Variants in ADAMTS2 observed in about 807,000 individuals in gnomAD.
ADAMTS2 encodes the protein A disintegrin and metalloproteinase with thrombospondin motifs 2.
Under a neutral mutation model 123.0 loss-of-function variants are expected in ADAMTS2, and 50 were observed. The ratio of observed to expected loss-of-function variants is 0.41; its 90% CI spans 0.32 to 0.51. The LOEUF (loss-of-function observed/expected upper bound fraction) is 0.51, where lower values mean the gene tolerates loss of function less well. Among genes scored for constraint, ADAMTS2 ranks in the 20% least tolerant of loss-of-function variants. The pLI is 0.35. For missense variants in ADAMTS2, 1,494 were observed against 1,705.2 expected (o/e 0.88, Z 2.18); for synonymous variants, 678 against 695.4 (o/e 0.98, Z 0.39).
At chr5:179,322,679 A>G (rs1349277575) in intron 2 of ADAMTS2, among the ~76,000 whole-genome samples, 1 of 152,222 alleles carries the variant, frequency 6.6e-6, no homozygotes, top group Non-Finnish European at 1.5e-5. Flanking sequence ...CTGGGAGGGC[A>G]CTAGACGAGG....
In ADAMTS2 at chr5:179,256,111, G is replaced by A. The variant is rs147849522; in HGVS notation, c.688+16800C>T. 5.6e-3 allele frequency among the ~76,000 whole-genome samples: 860 copies of A among 152,306 alleles called. 11 individuals are homozygous for A. The highest frequency in any genetic ancestry group is 0.02 in the African/African-American group (823 of 41,558). On this transcript the variant is annotated intron_variant, in intron 3 of 21. Transcript: ENST00000251582. The surrounding 1 kb of genome is among the most constrained non-coding windows in gnomAD (Gnocchi z 4.1). ...CTGACACGGTCCTTCTTCCCACAGG[G>A]AGACCGGGAGGGTCTTGTTCTGCCC...
At chr5:179,293,483 C>T (rs1031206093) in intron 2 of ADAMTS2, among the ~76,000 whole-genome samples, 3 of 152,248 alleles carry the variant, frequency 2.0e-5, no homozygotes, top group African/African-American at 7.2e-5. Flanking sequence ...CTGGAGTGTG[C>T]CAACGCCTCC....
chr5:179,121,831 CG>C, intron 20 of ADAMTS2, 81 bp from the exon 21 acceptor site: 1 of 1,002,612 alleles, frequency 1.0e-6, no homozygotes, highest in Admixed American at 2.5e-5. Context: ...CCGGGTCTCC[CG>C]GGGTCCTGGG....
At chr5:179,344,778 G>A (rs555217528) in intron 1 of ADAMTS2, among the ~76,000 whole-genome samples, 33 of 152,322 alleles carry the variant, frequency 2.2e-4, no homozygotes, top group African/African-American at 7.7e-4. Flanking sequence ...TTCCCTGCGG[G>A]GCGCCCCAAC....
chr5:179,279,900 G>A (rs1766842881), intron 2 of ADAMTS2, among the ~76,000 whole-genome samples: 1 of 152,208 alleles, frequency 6.6e-6, no homozygotes, highest in African/African-American at 2.4e-5. Context: ...CTGTCCATGG[G>A]GTTAGGAAAC....
In ADAMTS2 at chr5:179,116,981, G is replaced by A. The variant is rs776361503; in HGVS notation, c.3179-2657C>T. 4.6e-5 allele frequency among the ~76,000 whole-genome samples: 7 copies of A among 152,192 alleles called. No homozygotes were observed. In the East Asian group the frequency reaches 7.7e-4, roughly 17 times the overall value. On this transcript the variant is annotated intron_variant, in intron 21 of 21. Transcript: ENST00000251582. ...CAGGGGAGATGCCAGAAATCAAATC[G>A]GAAGATCCTGAGATGTGGCTGTCAG...
intron 10 of ADAMTS2, among the ~76,000 whole-genome samples, chr5:179,147,397 C>T (rs1015843142): frequency 6.6e-6 from 1 of 152,190 alleles, no homozygotes; most frequent in Non-Finnish European, 1.5e-5. Flanking sequence ...CCTAAGCCAG[C>T]TTTTGAACAA....
At chr5:179,254,429 G>A (rs1765997237) in intron 3 of ADAMTS2, among the ~76,000 whole-genome samples, 2 of 152,126 alleles carry the variant, frequency 1.3e-5, no homozygotes, top group Admixed American at 1.3e-4. Context: ...TTCCCACTGG[G>A]GTGATGAAAA....
chr5:179,228,731 G>A lies in ADAMTS2; in HGVS notation c.689-21016C>T, dbSNP rs374830921. On this transcript the variant is annotated intron_variant, in intron 3 of 21. Transcript: ENST00000251582. This position sits in a 1 kb window ranked among gnomAD's most constrained non-coding sequence, Gnocchi z 5.2. ...AAGCCAGCGGACATCCACTGCCTGCGGAGCATCTGGGGAAGGCTCCTGTGG... is the reference window on the plus strand; with the variant it reads ...AAGCCAGCGGACATCCACTGCCTGCAGAGCATCTGGGGAAGGCTCCTGTGG... Among the ~76,000 whole-genome samples the A allele has an allele frequency of 5.9e-5, 9 of 152,248 alleles. No homozygotes were observed. The highest frequency in any genetic ancestry group is 2.1e-4 in the South Asian group (1 of 4,832).
intron 3 of ADAMTS2, among the ~76,000 whole-genome samples, chr5:179,226,311 G>A (rs534833476): frequency 7.0e-6 from 1 of 143,090 alleles, no homozygotes; most frequent in African/African-American, 2.6e-5. Flanking sequence ...CTGTCACCCA[G>A]GCTGGAGTAC....
intron 3 of ADAMTS2, among the ~76,000 whole-genome samples, chr5:179,264,158 A>C (rs1766301320): frequency 6.6e-6 from 1 of 152,014 alleles, no homozygotes; most frequent in South Asian, 2.1e-4. Flanking sequence ...GCTGGTACCC[A>C]ACGCCTCTCA....
chr5:179,169,403 T>C (rs905328421), intron 5 of ADAMTS2, among the ~76,000 whole-genome samples: 1 of 152,228 alleles, frequency 6.6e-6, no homozygotes, highest in Non-Finnish European at 1.5e-5. Flanking sequence ...ATTTCTGTTA[T>C]TGCAGCCCAA....
At chr5:179,296,089 G>A (rs1032925975) in intron 2 of ADAMTS2, among the ~76,000 whole-genome samples, 20 of 152,192 alleles carry the variant, frequency 1.3e-4, no homozygotes, top group African/African-American at 4.1e-4. Context: ...GCGGTGCCTC[G>A]GACGATGCAG....
chr5:179,297,722 G>C (rs1269047402), intron 2 of ADAMTS2, among the ~76,000 whole-genome samples: 1 of 151,932 alleles, frequency 6.6e-6, no homozygotes, highest in African/African-American at 2.4e-5. Flanking sequence ...AGGACGGAGA[G>C]CTCTTGCTCT....
At chr5:179,136,370 A>C (rs956992040) in intron 12 of ADAMTS2, among the ~76,000 whole-genome samples, 1 of 152,142 alleles carries the variant, frequency 6.6e-6, no homozygotes, top group Non-Finnish European at 1.5e-5. Context: ...TTGCTATCTA[A>C]AGAACCCTTT....
rs930210563 is a variant in ADAMTS2 at position 179,113,703 on chromosome 5, A to G, written c.*164T>C. ...AAGCACACGTGCTAACCTAGTTACC[A>G]CATGCTCATGCCTATCTTTCTTACG... On this transcript the variant is annotated 3_prime_UTR_variant, in exon 22 of 22. Coordinates refer to ENST00000251582, the MANE Select transcript of ADAMTS2 (RefSeq NM_014244.5). 1.2e-5 allele frequency: 9 copies of G among 736,116 alleles called. No homozygotes were observed. The highest frequency in any genetic ancestry group is 1.8e-5 in the Non-Finnish European group (8 of 436,232). The allele number at this position is 736,116 out of a possible 1,614,324, so 45.6% of individuals were successfully genotyped here.
At chr5:179,149,174 G>A (rs1343715120) in intron 10 of ADAMTS2, among the ~76,000 whole-genome samples, 3 of 152,222 alleles carry the variant, frequency 2.0e-5, no homozygotes, top group African/African-American at 7.2e-5. Flanking sequence ...AACCCCCAGT[G>A]TGGGGGCCTT....
intron 2 of ADAMTS2, among the ~76,000 whole-genome samples, chr5:179,302,184 G>A (rs897157317): frequency 4.6e-5 from 7 of 152,030 alleles, no homozygotes; most frequent in African/African-American, 1.2e-4. Context: ...GGTGATGGCC[G>A]GGTGCGGTGG....
intron 2 of ADAMTS2, among the ~76,000 whole-genome samples, chr5:179,281,297 A>G (rs566813116): frequency 1.3e-5 from 2 of 152,286 alleles, no homozygotes; most frequent in African/African-American, 4.8e-5. Flanking sequence ...CATCACCCCA[A>G]AAAGAAACCC....
Sources: gnomAD v4.1 joint callset for allele counts (sites outside exome capture counted in the v4.1 genomes callset) on GRCh38, gnomAD v4.1.1 for gene constraint, Gnocchi (gnomAD v3.1) non-coding constraint, MANE v1.5 for transcripts, NCBI Gene and HGNC (gene_info 2026-07-23, HGNC 2026-07-21) for gene names.